TEAD1: variants seen among roughly 807,000 people sequenced by gnomAD.
The protein encoded by TEAD1 is transcriptional enhancer factor TEF-1.
TEAD1 carries 9 observed loss-of-function variants against 54.9 expected under a neutral mutation model. That is an observed-to-expected ratio of 0.16 (90% CI 0.10 to 0.29). The LOEUF (loss-of-function observed/expected upper bound fraction) is 0.29, where lower values mean the gene tolerates loss of function less well. Among genes scored for constraint, TEAD1 ranks in the 10% least tolerant of loss-of-function variants. The pLI, the probability that TEAD1 is intolerant of heterozygous loss-of-function variation, is 1.00. For synonymous variants in TEAD1, 200 were observed against 187.8 expected (o/e 1.07, Z -0.53); for missense variants, 387 against 535.9 (o/e 0.72, Z 2.74).
chr11:12,848,124 C>T (rs1052675902), intron 3 of TEAD1, among the ~76,000 whole-genome samples: 12 of 152,238 alleles, frequency 7.9e-5, no homozygotes, highest in Middle Eastern at 6.8e-3. Context: ...CTAATCGTTC[C>T]GTCTTTGATT....
At chr11:12,805,030 A>G (rs1025470417) in intron 3 of TEAD1, among the ~76,000 whole-genome samples, 5 of 152,236 alleles carry the variant, frequency 3.3e-5, no homozygotes, top group African/African-American at 1.2e-4. Flanking sequence ...TTTTGGCTCA[A>G]TTATAAAAAA....
intron 10 of TEAD1, among the ~76,000 whole-genome samples, chr11:12,905,641 G>A (rs1017109383): frequency 1.3e-5 from 2 of 152,176 alleles, no homozygotes; most frequent in Admixed American, 1.3e-4. Context: ...GGGTGTTTCC[G>A]AAGTAGGTTT....
At chr11:12,822,277 A>G (rs1034611572) in intron 3 of TEAD1, among the ~76,000 whole-genome samples, 1 of 152,198 alleles carries the variant, frequency 6.6e-6, no homozygotes, top group African/African-American at 2.4e-5. Context: ...ACTGTAGAGA[A>G]ACTAGAGGTC....
chr11:12,781,951 C>CAAAAAAAAAAAAAAA (rs71454001), intron 3 of TEAD1, among the ~76,000 whole-genome samples: 2 of 65,408 alleles, frequency 3.1e-5, no homozygotes, highest in African/African-American at 8.1e-5. Context: ...CTCGTCTGTA[C>CAAAAAAAAAAAAAAA]AAAAAAAAAA....
At chr11:12,796,400 T>C (rs1945924196) in intron 3 of TEAD1, among the ~76,000 whole-genome samples, 1 of 152,076 alleles carries the variant, frequency 6.6e-6, no homozygotes, top group Non-Finnish European at 1.5e-5. Context: ...CAAGGAAGAG[T>C]TGCAGAAGAC....
At chr11:12,841,953 C>G (rs1947049633) in intron 3 of TEAD1, among the ~76,000 whole-genome samples, 1 of 152,114 alleles carries the variant, frequency 6.6e-6, no homozygotes, top group Non-Finnish European at 1.5e-5. Flanking sequence ...CGTGACCTCT[C>G]CTATAAACCT....
intron 2 of TEAD1, among the ~76,000 whole-genome samples, chr11:12,708,970 A>T (rs1371700777): frequency 6.6e-6 from 1 of 152,238 alleles, no homozygotes; most frequent in Admixed American, 6.5e-5. Context: ...AAATGCTAAT[A>T]GTGATTATGT....
At position 12,878,505 on chromosome 11, in the gene TEAD1, G is replaced by A. The variant is rs373481630; in HGVS notation, c.331-1203G>A. On this transcript the variant is annotated intron_variant, in intron 5 of 12. Transcript: ENST00000527636. Reference sequence around the variant, plus strand: ...GGAATATAGACCCTCTATTGGCACCGGTAGCCTTTATATGCCTACGAGGCT... The same window carrying A: ...GGAATATAGACCCTCTATTGGCACCAGTAGCCTTTATATGCCTACGAGGCT... Among the ~76,000 whole-genome samples, 83 of 152,146 alleles carry A rather than the reference G, an allele frequency of 5.5e-4. 1 individual carries two copies. The highest frequency in any genetic ancestry group is 2.0e-3 in the African/African-American group (83 of 41,496).
intron 2 of TEAD1, among the ~76,000 whole-genome samples, chr11:12,743,312 C>G (rs994548977): frequency 1.3e-5 from 2 of 152,086 alleles, no homozygotes; most frequent in Non-Finnish European, 2.9e-5. Context: ...ACAGGTAAAC[C>G]AATACGAGGG....
chr11:12,878,152 G>A (rs1004351740), intron 5 of TEAD1, among the ~76,000 whole-genome samples: 8 of 152,118 alleles, frequency 5.3e-5, no homozygotes, highest in Non-Finnish European at 1.0e-4. Flanking sequence ...AAAGGTTAAT[G>A]TAAGCTTTTT....
At chr11:12,810,449 T>TA (rs1269772778) in intron 3 of TEAD1, among the ~76,000 whole-genome samples, 1 of 152,298 alleles carries the variant, frequency 6.6e-6, no homozygotes, top group East Asian at 1.9e-4. Flanking sequence ...CCCATTTTCT[T>TA]AAACTAGGGG....
chr11:12,732,249 G>A (rs117671632), intron 2 of TEAD1, among the ~76,000 whole-genome samples: 1 of 152,100 alleles, frequency 6.6e-6, no homozygotes, highest in Non-Finnish European at 1.5e-5. Context: ...AAATTCCAGT[G>A]TCAAATGATT....
chr11:12,725,367 T>G (rs1944291520), intron 2 of TEAD1, among the ~76,000 whole-genome samples: 1 of 152,352 alleles, frequency 6.6e-6, no homozygotes, highest in Middle Eastern at 3.4e-3. Context: ...ATAAGAAATA[T>G]ATAAATTCTC....
chr11:12,863,585 G>A (rs762854936), intron 4 of TEAD1, among the ~76,000 whole-genome samples: 2 of 152,114 alleles, frequency 1.3e-5, no homozygotes, highest in South Asian at 4.2e-4. Context: ...TTTTAGAGCC[G>A]CTGGAGAGTT....
chr11:12,718,347 C>T (rs1944108313), intron 2 of TEAD1, among the ~76,000 whole-genome samples: 2 of 152,182 alleles, frequency 1.3e-5, no homozygotes, highest in African/African-American at 4.8e-5. Context: ...CCCCCGGCCC[C>T]TCACAGGATT....
chr11:12,739,226 A>G (rs1003982618), intron 2 of TEAD1, among the ~76,000 whole-genome samples: 23 of 147,376 alleles, frequency 1.6e-4, no homozygotes, highest in Non-Finnish European at 2.9e-4. Flanking sequence ...CTATCTGTCT[A>G]TCTATCTATC....
At chr11:12,839,182 C>T (rs796094944) in intron 3 of TEAD1, among the ~76,000 whole-genome samples, 7 of 151,572 alleles carry the variant, frequency 4.6e-5, no homozygotes, top group African/African-American at 1.2e-4. Context: ...AGGCAGAGGC[C>T]AGTGGATCAC....
At chr11:12,820,633 A>G (rs564582430) in intron 3 of TEAD1, among the ~76,000 whole-genome samples, 1 of 152,284 alleles carries the variant, frequency 6.6e-6, no homozygotes, top group East Asian at 1.9e-4. Context: ...GCGATTATAC[A>G]AAAAACGTAG....
At chr11:12,828,257 C>T (rs1044688213) in intron 3 of TEAD1, 14 of 152,150 alleles carry the variant, frequency 9.2e-5, no homozygotes, top group African/African-American at 3.1e-4. Context: ...CCGTGCAGCC[C>T]GCTGAAACAA....
Sources: gnomAD v4.1 joint callset for allele counts (sites outside exome capture counted in the v4.1 genomes callset) on GRCh38, gnomAD v4.1.1 for gene constraint, MANE v1.5 for transcripts, NCBI Gene and HGNC (gene_info 2026-07-23, HGNC 2026-07-21) for gene names.